The following VPS53 variants were observed in gnomAD, a reference collection of about 807,000 sequenced individuals.
VPS53 encodes VPS53 subunit of GARP complex.
In VPS53, 70 loss-of-function variants were observed where a neutral mutation model predicts 107.0. The ratio of observed to expected loss-of-function variants is 0.65; its 90% confidence interval spans 0.54 to 0.80. VPS53 has a LOEUF of 0.80. Ranked by LOEUF, VPS53 falls within the 30% of genes least tolerant of loss-of-function variation. VPS53 has a pLI of 0.00. For missense variants in VPS53, 917 were observed against 1,049.4 expected, an observed-to-expected ratio of 0.87 and a Z score of 1.74; for synonymous variants, 409 against 393.3, an observed-to-expected ratio of 1.04 and a Z score of -0.47.
intron 17 of VPS53, among the ~76,000 whole-genome samples, chr17:542,068 C>T (rs73292408): frequency 0.065 from 9,896 of 151,604 alleles, 635 homozygotes; most frequent in African/African-American, 0.19. Context: ...GCACCTACCA[C>T]GCACTGAAGG....
intron 11 of VPS53, among the ~76,000 whole-genome samples, chr17:619,827 C>T (rs1174129554): frequency 2.2e-5 from 3 of 139,116 alleles, no homozygotes; most frequent in African/African-American, 8.3e-5. Context: ...TGCACCACCA[C>T]GCCCCGCTAA....
At chr17:714,198 G>C (rs1973759315) in intron 1 of VPS53, 2 of 177,886 alleles carry the variant, frequency 1.1e-5, no homozygotes, top group Admixed American at 1.2e-4. Flanking sequence ...TCTGCCGTCC[G>C]CTTCAGAAAT....
intron 13 of VPS53, among the ~76,000 whole-genome samples, chr17:581,365 A>C (rs1967007471): frequency 1.3e-5 from 2 of 151,914 alleles, no homozygotes; most frequent in Non-Finnish European, 2.9e-5. Flanking sequence ...ATTCGTTCCC[A>C]GAGAACCTCC....
chr17:575,337 T>C (rs1238008178), intron 13 of VPS53, among the ~76,000 whole-genome samples: 1 of 152,192 alleles, frequency 6.6e-6, no homozygotes, highest in Non-Finnish European at 1.5e-5. Context: ...ACTAAGAATG[T>C]GCTCACCCAT....
intron 17 of VPS53, 74 bp downstream of exon 17, chr17:551,798 A>G: frequency 7.5e-7 from 1 of 1,324,850 alleles, no homozygotes; most frequent in Non-Finnish European, 1.0e-6. Context: ...TGGAGAAGCT[A>G]CAGACAAGGG....
intron 4 of VPS53, among the ~76,000 whole-genome samples, chr17:662,755 A>AAGAAAGAAAGAAAGAAAG (rs1971497454): frequency 1.6e-5 from 1 of 61,554 alleles, no homozygotes; most frequent in Admixed American, 1.7e-4. Flanking sequence ...AAGAAAGAGA[A>AAGAAAGAAAGAAAGAAAG]AGAAAGAAAG....
rs146413558 is a variant in VPS53, at chr17:532,988, G to A, written c.2016-77C>T. ...AAATGCAAAAACTTTAAGGTTCCACGTATCTCCATGAAAAAACCTTTTTTA... is the reference window on the plus strand; with the variant it reads ...AAATGCAAAAACTTTAAGGTTCCACATATCTCCATGAAAAAACCTTTTTTA... On this transcript the variant is annotated intron_variant, in intron 18 of 21. Transcript: ENST00000437048. The A allele has an allele frequency of 8.5e-6, 13 of 1,534,748 alleles. No individual in the cohort carries two copies. The East Asian group carries it at 1.4e-4, about 17-fold the overall frequency.
intron 13 of VPS53, among the ~76,000 whole-genome samples, chr17:577,038 C>G (rs1172741337): frequency 6.6e-6 from 1 of 150,622 alleles, no homozygotes; most frequent in African/African-American, 2.4e-5. Flanking sequence ...CGCTCAGGAT[C>G]TAGTGCGTTC....
Position 710,476 on chromosome 17 carries a change from A to T in VPS53, c.168+57T>A, listed in dbSNP as rs546960764. On this transcript the variant is annotated intron_variant, in intron 2 of 21. Transcript: ENST00000437048. ...TGATCTAGTGTAACACACGAAGCAT[A>T]ACACCCAAGATGTGCCAAAAGCTGC... 2.9e-6 allele frequency: 4 copies of T among 1,370,338 alleles called. No individual in the cohort carries two copies. The South Asian group carries it at 4.7e-5, about 16-fold the overall frequency. The allele number at this position is 1,370,338 out of a possible 1,614,324, so 84.9% of individuals were successfully genotyped here.
intron 7 of VPS53, among the ~76,000 whole-genome samples, chr17:636,280 T>A (rs1970195376): frequency 6.6e-6 from 1 of 152,252 alleles, no homozygotes; most frequent in African/African-American, 2.4e-5. Context: ...TCCTGAGACT[T>A]TGCTGAAGTT....
chr17:682,492 A>G (rs911281163), intron 4 of VPS53, among the ~76,000 whole-genome samples: 1 of 152,174 alleles, frequency 6.6e-6, no homozygotes, highest in Non-Finnish European at 1.5e-5. Context: ...AGGGCATGTA[A>G]GGAAGACGGG....
intron 17 of VPS53, among the ~76,000 whole-genome samples, chr17:547,558 G>GT (rs561128336): frequency 2.2e-3 from 329 of 152,260 alleles, no homozygotes; most frequent in African/African-American, 7.6e-3. Context: ...TCTTTTTGGG[G>GT]TAATGAAGAT....
intron 11 of VPS53, chr17:616,523 C>G (rs1969141640): frequency 6.6e-6 from 1 of 152,386 alleles, no homozygotes; most frequent in African/African-American, 2.4e-5. Flanking sequence ...TGACCCCTGA[C>G]CACCACCACA....
At position 516,211 on chromosome 17, in the gene VPS53, A is replaced by G. The variant is rs1194255192; in HGVS notation, c.*2917T>C. 1 of 152,096 alleles carries G rather than the reference A, an allele frequency of 6.6e-6. No individual in the cohort carries two copies. The highest frequency in any genetic ancestry group is 2.4e-5 in the African/African-American group (1 of 41,388). The allele number at this position is 152,096 out of a possible 1,614,324, so 9.4% of individuals were successfully genotyped here. On this transcript the variant is annotated 3_prime_UTR_variant, in exon 22 of 22. Transcript: ENST00000437048. ...TTTTAGCTTAGAGTCAGAAAAATAG[A>G]CATGTATGAAAATGCGTGGCAGGAG... is the stretch of plus-strand genomic sequence containing the variant.
rs1567711105 is a variant in VPS53, at chr17:653,546, G to A, written c.489-136C>T. On this transcript the variant is annotated intron_variant, in intron 6 of 21. Transcript: ENST00000437048. ...CGTTCGCTGAGCACTGAGTATATAAGCTGCTGTGCGTTGTGGGAGGAAAAA... is the reference window on the plus strand; with the variant it reads ...CGTTCGCTGAGCACTGAGTATATAAACTGCTGTGCGTTGTGGGAGGAAAAA... 7.4e-6 allele frequency: 10 copies of A among 1,356,596 alleles called. No homozygotes were observed. In the East Asian group the frequency reaches 2.5e-4, roughly 33 times the overall value. 84.0% of individuals were successfully genotyped at this position (1,356,596 alleles called of 1,614,324 possible). A position where few individuals can be genotyped will look rare whatever the true frequency, so the allele number is the denominator to read the frequency against.
At chr17:638,785 G>A (rs1461016413) in intron 7 of VPS53, among the ~76,000 whole-genome samples, 8 of 152,196 alleles carry the variant, frequency 5.3e-5, no homozygotes, top group African/African-American at 9.7e-5. Flanking sequence ...CGAAAGATCC[G>A]CTGTTAGTCT....
chr17:630,263 G>T (rs897826471), intron 8 of VPS53, among the ~76,000 whole-genome samples: 13 of 151,256 alleles, frequency 8.6e-5, no homozygotes, highest in African/African-American at 3.2e-4. Context: ...TTGCACTCTA[G>T]CCTGGGCCAA....
intron 12 of VPS53, among the ~76,000 whole-genome samples, chr17:598,890 C>T (rs1192817471): frequency 4.6e-4 from 2 of 4,362 alleles, no homozygotes; most frequent in African/African-American, 9.8e-4. Context: ...GCCCCATGCC[C>T]GGCCAGCCGC....
intron 7 of VPS53, 62 bp from the exon 8 acceptor site, chr17:631,690 T>A: frequency 6.7e-7 from 1 of 1,493,782 alleles, no homozygotes; most frequent in Non-Finnish European, 9.3e-7. Flanking sequence ...TACACACCGA[T>A]CCACAGGGTC....
Sources: gnomAD v4.1 joint callset for allele counts (sites outside exome capture counted in the v4.1 genomes callset) on GRCh38, gnomAD v4.1.1 for gene constraint, MANE v1.5 for transcripts, NCBI Gene and HGNC (gene_info 2026-07-23, HGNC 2026-07-21) for gene names.